Variants in ELOVL7 observed in about 807,000 individuals in gnomAD.
ELOVL7 encodes very long chain fatty acid elongase 7.
In ELOVL7, 27 loss-of-function variants were observed where a neutral mutation model predicts 35.7. That is an observed-to-expected ratio of 0.76 (90% CI 0.56 to 1.04). The LOEUF is 1.04. ELOVL7 is among the 50% of genes least tolerant of loss of function. The probability of loss-of-function intolerance (pLI) is 0.00; values close to 1 mark genes in which losing one functional copy is unlikely to be tolerated. For missense variants in ELOVL7, 327 were observed against 340.8 expected (o/e 0.96, Z 0.32); for synonymous variants, 113 against 114.6 (o/e 0.99, Z 0.09).
At chr5:60,837,315 T>TGGGGGG (rs1227317155) in intron 1 of ELOVL7, among the ~76,000 whole-genome samples, 45 of 24,486 alleles carry the variant, frequency 1.8e-3, no homozygotes, top group East Asian at 0.011. Context: ...GGCGGGGGGG[T>TGGGGGG]GGGGGGGGAG....
chr5:60,837,852 G>T (rs1429814613), intron 1 of ELOVL7, among the ~76,000 whole-genome samples: 1 of 152,156 alleles, frequency 6.6e-6, no homozygotes, highest in East Asian at 1.9e-4. Flanking sequence ...TGAGGCAGGA[G>T]AATTGCTTGA....
chr5:60,815,945 T>C (rs1407710742), intron 1 of ELOVL7, among the ~76,000 whole-genome samples: 1 of 152,186 alleles, frequency 6.6e-6, no homozygotes, highest in Admixed American at 6.5e-5. Flanking sequence ...TGTCCTGGAA[T>C]GGTGTGGAAT....
At chr5:60,807,793 A>G (rs953209402) in intron 1 of ELOVL7, among the ~76,000 whole-genome samples, 1 of 151,708 alleles carries the variant, frequency 6.6e-6, no homozygotes, top group African/African-American at 2.4e-5. Context: ...AGGTCAGGAG[A>G]TCGAGACCAC....
chr5:60,802,370 C>T (rs535244737), intron 1 of ELOVL7, among the ~76,000 whole-genome samples: 1 of 152,082 alleles, frequency 6.6e-6, no homozygotes, highest in East Asian at 1.9e-4. Flanking sequence ...AGAATCTTTT[C>T]TTAATGCTTC....
intron 1 of ELOVL7, among the ~76,000 whole-genome samples, chr5:60,808,918 T>C (rs1324583177): frequency 6.6e-6 from 1 of 152,168 alleles, no homozygotes; most frequent in Non-Finnish European, 1.5e-5. Context: ...AAAGCTAAAC[T>C]ATAAAGTTGG....
chr5:60,807,273 C>G (rs1406036616), intron 1 of ELOVL7, among the ~76,000 whole-genome samples: 1 of 152,108 alleles, frequency 6.6e-6, no homozygotes, highest in Non-Finnish European at 1.5e-5. Flanking sequence ...GGGATGCAAC[C>G]TATGAGGTGG....
At chr5:60,837,846 G>A (rs1746919454) in intron 1 of ELOVL7, among the ~76,000 whole-genome samples, 1 of 152,160 alleles carries the variant, frequency 6.6e-6, no homozygotes, top group African/African-American at 2.4e-5. Flanking sequence ...GGAGGCTGAG[G>A]CAGGAGAATT....
chr5:60,778,704 T>C (rs886423207), intron 3 of ELOVL7, among the ~76,000 whole-genome samples: 1 of 152,134 alleles, frequency 6.6e-6, no homozygotes, highest in Non-Finnish European at 1.5e-5. Flanking sequence ...AGTCAAACCA[T>C]ATCATTCTGT....
Position 60,816,154 on chromosome 5 carries a change from T to C in ELOVL7, c.-85-16924A>G, listed in dbSNP as rs1177151365. Among the ~76,000 whole-genome samples, 3 of 152,154 alleles carry C rather than the reference T, an allele frequency of 2.0e-5. No homozygotes were observed. The East Asian group carries it at 5.8e-4, about 29-fold the overall frequency. ...CAGCACTTTGGGAGGCCAAGGCAGC[T>C]GGATCACTTGAGGTCAAGAGTTTGA... On this transcript the variant is annotated intron_variant, in intron 1 of 8. Coordinates refer to ENST00000508821, the MANE Select transcript of ELOVL7 (RefSeq NM_024930.3).
intron 7 of ELOVL7, among the ~76,000 whole-genome samples, chr5:60,761,694 G>A (rs560477455): frequency 9.9e-5 from 15 of 152,096 alleles, no homozygotes; most frequent in East Asian, 1.9e-4. Context: ...TAAGCTGATC[G>A]TAGCAGAATT....
chr5:60,787,176 A>G (rs1231824162), intron 3 of ELOVL7, among the ~76,000 whole-genome samples, 158 bp downstream of exon 3: 2 of 152,124 alleles, frequency 1.3e-5, no homozygotes, highest in Non-Finnish European at 2.9e-5. Context: ...CTTTGTACAT[A>G]TCTGTAATGA....
intron 2 of ELOVL7, among the ~76,000 whole-genome samples, chr5:60,793,985 T>A (rs1744094173): frequency 6.6e-6 from 1 of 151,972 alleles, no homozygotes; most frequent in Non-Finnish European, 1.5e-5. Flanking sequence ...CCATTAAGGG[T>A]GGAAGAAACA....
At chr5:60,768,056 G>C (rs1212716235) in intron 4 of ELOVL7, among the ~76,000 whole-genome samples, 153 bp from the exon 5 acceptor site, 2 of 152,136 alleles carry the variant, frequency 1.3e-5, no homozygotes, top group African/African-American at 2.4e-5. Context: ...AAATGAACAT[G>C]CTTGATATCA....
intron 1 of ELOVL7, among the ~76,000 whole-genome samples, chr5:60,840,403 C>G (rs1004941997): frequency 3.3e-5 from 5 of 152,112 alleles, no homozygotes; most frequent in Non-Finnish European, 1.5e-5. Flanking sequence ...GATGCCAGCA[C>G]AAGGAATATC....
At chr5:60,755,187 T>C (rs1030599309) in intron 8 of ELOVL7, among the ~76,000 whole-genome samples, 34 of 152,250 alleles carry the variant, frequency 2.2e-4, no homozygotes, top group African/African-American at 8.2e-4. Context: ...GACCATGCAC[T>C]ACATGTGGCC....
chr5:60,823,580 T>C (rs1182029992), intron 1 of ELOVL7, among the ~76,000 whole-genome samples: 2 of 152,204 alleles, frequency 1.3e-5, no homozygotes, highest in Non-Finnish European at 2.9e-5. Flanking sequence ...GCTTCAATTT[T>C]TCTAGCAAGT....
chr5:60,829,838 G>C (rs1746377574), intron 1 of ELOVL7, among the ~76,000 whole-genome samples: 1 of 152,160 alleles, frequency 6.6e-6, no homozygotes, highest in Non-Finnish European at 1.5e-5. Context: ...CTTAGGCAAG[G>C]TTCATGAGTG....
At chr5:60,799,762 G>C (rs764354082) in intron 1 of ELOVL7, among the ~76,000 whole-genome samples, 3 of 152,190 alleles carry the variant, frequency 2.0e-5, no homozygotes, top group Non-Finnish European at 4.4e-5. Context: ...AATAGACCGG[G>C]TGTGGTGGCT....
intron 1 of ELOVL7, among the ~76,000 whole-genome samples, chr5:60,838,141 CT>C (rs1243110911): frequency 2.6e-5 from 4 of 152,150 alleles, no homozygotes; most frequent in Admixed American, 6.5e-5. Flanking sequence ...AATCCAAAAC[CT>C]TTATGGGGTC....
Sources: gnomAD v4.1 joint callset for allele counts (sites outside exome capture counted in the v4.1 genomes callset) on GRCh38, gnomAD v4.1.1 for gene constraint, MANE v1.5 for transcripts, NCBI Gene and HGNC (gene_info 2026-07-23, HGNC 2026-07-21) for gene names.